The following UNC13C variants were observed in gnomAD, a reference collection of about 807,000 sequenced individuals.
The protein encoded by UNC13C is unc-13 homolog C, also known as protein unc-13 homolog C.
A neutral mutation model predicts 245.4 loss-of-function variants in UNC13C; 174 were observed. The observed-to-expected ratio is 0.71, with a 90% confidence interval of 0.63 to 0.80. The LOEUF is 0.80. UNC13C is among the 30% of genes least tolerant of loss of function. The probability of loss-of-function intolerance (pLI) is 0.00; values close to 1 mark genes in which losing one functional copy is unlikely to be tolerated. For synonymous variants in UNC13C, 992 were observed against 895.1 expected (o/e 1.11, Z -1.93); for missense variants, 2,829 against 2,602.9 (o/e 1.09, Z -1.89).
intron 19 of UNC13C, among the ~76,000 whole-genome samples, chr15:54,460,276 A>G (rs1355469868): frequency 6.6e-6 from 1 of 152,110 alleles, no homozygotes; most frequent in Non-Finnish European, 1.5e-5. Flanking sequence ...GGATACCAGC[A>G]CCTGCTCCAG....
intron 30 of UNC13C, among the ~76,000 whole-genome samples, chr15:54,577,625 A>C (rs1898012664): frequency 6.6e-6 from 1 of 152,074 alleles, no homozygotes; most frequent in East Asian, 1.9e-4. Context: ...TTTGACTGTA[A>C]GCTTCTCAAT....
chr15:54,321,682 G>T, intron 13 of UNC13C: 1 of 418,162 alleles, frequency 2.4e-6, no homozygotes, highest in Non-Finnish European at 4.2e-6. Flanking sequence ...ACAGTGGCAA[G>T]GGAGACTTTA....
the UNC13C span, among the ~76,000 whole-genome samples, chr15:53,840,164 A>G: frequency 6.6e-6 from 1 of 152,130 alleles, no homozygotes; most frequent in Non-Finnish European, 1.5e-5. Flanking sequence ...AATATTATTT[A>G]TTATTAAGCA....
chr15:54,600,232 C>T (rs927023084), intron 30 of UNC13C, among the ~76,000 whole-genome samples: 24 of 152,096 alleles, frequency 1.6e-4, no homozygotes, highest in Non-Finnish European at 7.4e-5. Context: ...CTGGACTGTG[C>T]CTTGATCTTA....
chr15:54,088,022 A>G (rs1250464361), intron 2 of UNC13C, among the ~76,000 whole-genome samples: 1 of 152,032 alleles, frequency 6.6e-6, no homozygotes, highest in Non-Finnish European at 1.5e-5. Context: ...TGAAATGCCT[A>G]CAAGTAACAC....
At chr15:54,324,786 T>G (rs1421371038) in intron 14 of UNC13C, among the ~76,000 whole-genome samples, 5 of 152,058 alleles carry the variant, frequency 3.3e-5, no homozygotes, top group African/African-American at 1.2e-4. Flanking sequence ...GCAAGTAGAA[T>G]GTCATTGGTC....
chr15:54,089,296 C>T (rs555991705), intron 2 of UNC13C, among the ~76,000 whole-genome samples: 1 of 152,290 alleles, frequency 6.6e-6, no homozygotes, highest in African/African-American at 2.4e-5. Flanking sequence ...CTGTAGTCAG[C>T]AATTCATTAT....
chr15:54,056,290 G>C (rs1393816046), intron 2 of UNC13C, among the ~76,000 whole-genome samples: 2 of 152,140 alleles, frequency 1.3e-5, no homozygotes, highest in Admixed American at 1.3e-4. Context: ...AGAAAACCAT[G>C]GCACGAGACC....
At chr15:54,615,591 T>TAATTGTGGTGCATG (rs754400224) in intron 30 of UNC13C, among the ~76,000 whole-genome samples, 2 of 152,112 alleles carry the variant, frequency 1.3e-5, no homozygotes, top group Non-Finnish European at 2.9e-5. Context: ...TGTTTGCTAG[T>TAATTGTGGTGCATG]AATTGTGGTG....
intron 2 of UNC13C, among the ~76,000 whole-genome samples, chr15:54,066,140 G>C (rs1484349843): frequency 6.6e-6 from 1 of 152,168 alleles, no homozygotes; most frequent in Non-Finnish European, 1.5e-5. Flanking sequence ...AAGCTTCTGG[G>C]AATAGTTTAT....
chr15:54,627,136 C>CATAACTATAATTGTTTG lies in UNC13C; in HGVS notation c.*25_*41dup, dbSNP rs1289441097. On this transcript the variant is annotated 3_prime_UTR_variant, in exon 33 of 33. Transcript: ENST00000260323. Reference sequence around the variant, plus strand: ...TGAAACAAACACTGCAAGCTAAATACATAACTATAATTGTTTGACTACTGC... The same window carrying CATAACTATAATTGTTTG: ...TGAAACAAACACTGCAAGCTAAATACATAACTATAATTGTTTGATAACTATAATTGTTTGACTACTGC... The CATAACTATAATTGTTTG allele has an allele frequency of 6.3e-6, 10 of 1,586,660 alleles. No homozygotes were observed. In the South Asian group the frequency reaches 1.2e-4, roughly 18 times the overall value.
intron 2 of UNC13C, among the ~76,000 whole-genome samples, chr15:54,102,368 G>A (rs541463343): frequency 5.3e-5 from 8 of 152,252 alleles, no homozygotes; most frequent in African/African-American, 1.4e-4. Context: ...AGGGTGTTCA[G>A]AAGTACCTTG....
At chr15:54,401,010 T>C (rs2040171486) in intron 18 of UNC13C, among the ~76,000 whole-genome samples, 1 of 152,170 alleles carries the variant, frequency 6.6e-6, no homozygotes, top group Non-Finnish European at 1.5e-5. Flanking sequence ...ATGGTGGTTT[T>C]ATAAGGTTAC....
chr15:54,262,480 A>T (rs566413691), intron 8 of UNC13C, among the ~76,000 whole-genome samples: 1 of 152,368 alleles, frequency 6.6e-6, no homozygotes, highest in East Asian at 1.9e-4. Context: ...CCTATCAGAT[A>T]GTTTCAACTA....
chr15:53,946,673 G>GTTTTTTTTTTTTTTTT, the UNC13C span, among the ~76,000 whole-genome samples: 1 of 99,284 alleles, frequency 1.0e-5, no homozygotes, highest in Non-Finnish European at 1.9e-5. Context: ...GTGAGCTGAG[G>GTTTTTTTTTTTTTTTT]TTTTTTTTTT....
In UNC13C at chr15:54,273,970, T is replaced by G. The variant is rs151207942; in HGVS notation, c.3818+8474T>G. 2.6e-5 allele frequency among the ~76,000 whole-genome samples: 4 copies of G among 152,290 alleles called. No homozygotes were observed. In the East Asian group the frequency reaches 7.7e-4, roughly 29 times the overall value. ...TTGGTTAGTATCCGCCCCAACACTCTGTAGATAAATAATTCGTTGAACATG... is the reference window on the plus strand; with the variant it reads ...TTGGTTAGTATCCGCCCCAACACTCGGTAGATAAATAATTCGTTGAACATG... On this transcript the variant is annotated intron_variant, in intron 10 of 32. Transcript: ENST00000260323.
chr15:54,302,343 T>C (rs2037607266), intron 13 of UNC13C, among the ~76,000 whole-genome samples: 3 of 152,186 alleles, frequency 2.0e-5, no homozygotes, highest in Admixed American at 2.0e-4. Context: ...GCTTTTGCTG[T>C]TTTAGTCATG....
At position 54,539,508 on chromosome 15, in the gene UNC13C, G is replaced by A. The variant is rs974196709; in HGVS notation, c.5696+6442G>A. Among the ~76,000 whole-genome samples the A allele has an allele frequency of 5.9e-5, 9 of 151,834 alleles. No individual in the cohort carries two copies. In the South Asian group the frequency reaches 1.9e-3, roughly 32 times the overall value. On this transcript the variant is annotated intron_variant, in intron 26 of 32. Coordinates refer to ENST00000260323, the MANE Select transcript of UNC13C (RefSeq NM_001080534.3). Reference sequence around the variant, plus strand: ...TCTGGACATTTTTATCTTAGTATACGACTCTTTTCTATGGACAACACAGAA... The same window carrying A: ...TCTGGACATTTTTATCTTAGTATACAACTCTTTTCTATGGACAACACAGAA...
chr15:54,201,516 A>C (rs529060871), intron 4 of UNC13C, among the ~76,000 whole-genome samples: 4 of 152,072 alleles, frequency 2.6e-5, no homozygotes, highest in Non-Finnish European at 5.9e-5. Flanking sequence ...TAACATACTT[A>C]AGTCAATAAA....
Sources: allele counts gnomAD v4.1 joint callset (sites outside exome capture counted in the v4.1 genomes callset), GRCh38; gene constraint gnomAD v4.1.1; transcripts MANE v1.5; gene names NCBI Gene and HGNC (gene_info 2026-07-23, HGNC 2026-07-21).